Variants in ZBTB7C observed in about 807,000 individuals in gnomAD.
ZBTB7C encodes zinc finger and BTB domain containing 7C.
In ZBTB7C, 8 loss-of-function variants were observed where a neutral mutation model predicts 25.7. That is an observed-to-expected ratio of 0.31 (90% CI 0.18 to 0.56). ZBTB7C has a LOEUF of 0.56. Among genes scored for constraint, ZBTB7C ranks in the 20% least tolerant of loss-of-function variants. The probability of loss-of-function intolerance (pLI) is 0.91; values close to 1 mark genes in which losing one functional copy is unlikely to be tolerated. For missense variants in ZBTB7C, 824 were observed against 855.2 expected, an observed-to-expected ratio of 0.96 and a Z score of 0.46; for synonymous variants, 394 against 369.0, an observed-to-expected ratio of 1.07 and a Z score of -0.78.
chr18:48,179,177 C>T (rs1451965721), intron 3 of ZBTB7C, among the ~76,000 whole-genome samples: 3 of 152,226 alleles, frequency 2.0e-5, no homozygotes, highest in South Asian at 2.1e-4. Flanking sequence ...TCTAGAGCCA[C>T]CCAGAGGTTG....
rs543465876 is a variant in ZBTB7C at position 48,030,567 on chromosome 18, C to A, written c.1209-656G>T. Among the ~76,000 whole-genome samples, 5 of 152,296 alleles carry A rather than the reference C, an allele frequency of 3.3e-5. No homozygotes were observed. The East Asian group carries it at 9.6e-4, about 29-fold the overall frequency. On this transcript the variant is annotated intron_variant, in intron 4 of 4. Coordinates refer to ENST00000590800, the MANE Select transcript of ZBTB7C (RefSeq NM_001318841.2). ...AGAGCCAGGTGCGAAAAGAATGCAG[C>A]CTAATCTAGGGCAAAACTTTGCAGG...
intron 3 of ZBTB7C, among the ~76,000 whole-genome samples, chr18:48,044,345 T>C (rs1229997458): frequency 6.6e-6 from 1 of 152,208 alleles, no homozygotes; most frequent in South Asian, 2.1e-4. Flanking sequence ...CATCCTCCCA[T>C]GCTGGATGAG....
intron 3 of ZBTB7C, among the ~76,000 whole-genome samples, chr18:48,155,116 A>G (rs371224911): frequency 9.9e-5 from 15 of 152,154 alleles, no homozygotes; most frequent in African/African-American, 3.4e-4. Flanking sequence ...AAAATTGTGC[A>G]TGAAATAGGA....
chr18:48,229,007 T>C (rs2043182146), intron 2 of ZBTB7C, among the ~76,000 whole-genome samples: 1 of 152,090 alleles, frequency 6.6e-6, no homozygotes, highest in Non-Finnish European at 1.5e-5. Flanking sequence ...GGCAGGATTG[T>C]GCGAGGCTGG....
At position 48,206,519 on chromosome 18, in the gene ZBTB7C, G is replaced by T. The variant is rs567587082; in HGVS notation, c.-78-20524C>A. Among the ~76,000 whole-genome samples, 15 of 152,196 alleles carry T rather than the reference G, an allele frequency of 9.9e-5. No homozygotes were observed. The South Asian group carries it at 2.5e-3, about 25-fold the overall frequency. On this transcript the variant is annotated intron_variant, in intron 2 of 4. Transcript: ENST00000590800. ...AAAATAAAAATAAAAAATTAGCTGG[G>T]CATGGTGGTGCATGCCTGTGGTCCC...
intron 2 of ZBTB7C, among the ~76,000 whole-genome samples, chr18:48,213,372 CA>C (rs2042746763): frequency 6.6e-6 from 1 of 152,190 alleles, no homozygotes; most frequent in African/African-American, 2.4e-5. Context: ...GTGATGGCCC[CA>C]GTCACTCTTG....
chr18:48,030,613 AG>A (rs1426235420), intron 4 of ZBTB7C, among the ~76,000 whole-genome samples: 1 of 152,232 alleles, frequency 6.6e-6, no homozygotes, highest in African/African-American at 2.4e-5. Context: ...TATTATTCAC[AG>A]GTAAGGTATG....
chr18:48,067,261 G>C (rs2037367300), intron 3 of ZBTB7C, among the ~76,000 whole-genome samples: 1 of 152,156 alleles, frequency 6.6e-6, no homozygotes, highest in Non-Finnish European at 1.5e-5. Context: ...TCCCTTCATA[G>C]TTTTATAATC....
chr18:48,409,407 G>A (rs1190085178), upstream of ZBTB7C: 2 of 146,412 alleles, frequency 1.4e-5, no homozygotes, highest in Non-Finnish European at 3.0e-5. Flanking sequence ...GGCAGCGGGC[G>A]AGCGGGCAGC....
intron 3 of ZBTB7C, chr18:48,076,819 A>C (rs1027973895): frequency 4.1e-6 from 2 of 487,382 alleles, no homozygotes; most frequent in African/African-American, 4.3e-5. Context: ...TGCTCTGCTG[A>C]GAACCCATGG....
chr18:48,048,765 CCCTGAGAAGGGT>C (rs1173431213), intron 3 of ZBTB7C, among the ~76,000 whole-genome samples: 2 of 152,190 alleles, frequency 1.3e-5, no homozygotes, highest in Non-Finnish European at 2.9e-5. Context: ...TGAAGACACT[CCCTGAGAAGGGT>C]CCTTACAGGC....
chr18:48,277,673 C>T (rs151010077), intron 2 of ZBTB7C, among the ~76,000 whole-genome samples: 39 of 152,300 alleles, frequency 2.6e-4, no homozygotes, highest in African/African-American at 7.7e-4. Flanking sequence ...ATGTGGGAAA[C>T]GGGCACTTGG....
At chr18:48,070,300 C>T (rs749612208) in intron 3 of ZBTB7C, among the ~76,000 whole-genome samples, 2 of 152,146 alleles carry the variant, frequency 1.3e-5, no homozygotes, top group Non-Finnish European at 2.9e-5. Flanking sequence ...AGGGGGACTA[C>T]CTGCCTGGTT....
At chr18:48,043,983 G>T (rs1307993548) in intron 3 of ZBTB7C, among the ~76,000 whole-genome samples, 1 of 152,186 alleles carries the variant, frequency 6.6e-6, no homozygotes, top group Non-Finnish European at 1.5e-5. Flanking sequence ...TTTGAGCAGA[G>T]ACCTAGAAGA....
At position 48,085,301 on chromosome 18, in the gene ZBTB7C, C is replaced by T. The variant is rs114053366; in HGVS notation, c.-16-44178G>A. Among the ~76,000 whole-genome samples, 295 of 152,262 alleles carry T rather than the reference C, an allele frequency of 1.9e-3. 3 individuals are homozygous for T. Among genetic ancestry groups the T allele is most frequent in the African/African-American group, 6.6e-3 (276 of 41,546 alleles). ...CAAGAGGGAGGGAAAGGCCCCATTT[C>T]GTCACCCAAGCATGTTTACCTTGTG... On this transcript the variant is annotated intron_variant, in intron 3 of 4. Transcript: ENST00000590800.
At chr18:48,300,113 C>A (rs2045505387) in intron 2 of ZBTB7C, among the ~76,000 whole-genome samples, 2 of 152,126 alleles carry the variant, frequency 1.3e-5, no homozygotes, top group Non-Finnish European at 2.9e-5. Flanking sequence ...TGTGGCAGGG[C>A]CCAGGAGCGG....
At chr18:48,232,565 A>C (rs2145355839) in intron 2 of ZBTB7C, among the ~76,000 whole-genome samples, 1 of 152,310 alleles carries the variant, frequency 6.6e-6, no homozygotes, top group East Asian at 1.9e-4. Context: ...ATCAGCTAAG[A>C]TCTGTCCAAA....
intron 3 of ZBTB7C, chr18:48,165,362 C>A (rs563987668): frequency 5.2e-6 from 2 of 384,968 alleles, no homozygotes; most frequent in Non-Finnish European, 1.0e-5. Context: ...CAGTGATGAG[C>A]AAGAATCGCC....
chr18:48,161,289 G>A (rs182435490), intron 3 of ZBTB7C, among the ~76,000 whole-genome samples: 4 of 152,230 alleles, frequency 2.6e-5, no homozygotes, highest in Non-Finnish European at 5.9e-5. Context: ...AGGGCTGGGA[G>A]TGGGAGAGTC....
Sources: gnomAD v4.1 joint callset for allele counts (sites outside exome capture counted in the v4.1 genomes callset) on GRCh38, gnomAD v4.1.1 for gene constraint, MANE v1.5 for transcripts, NCBI Gene and HGNC (gene_info 2026-07-23, HGNC 2026-07-21) for gene names.